Variants in MATCAP2 observed in about 807,000 individuals in gnomAD.
The protein encoded by MATCAP2 is microtubule associated tyrosine carboxypeptidase 2, also known as putative tyrosine carboxypeptidase MATCAP2.
chr7:36,386,654 G>A, the MATCAP2 span, among the ~76,000 whole-genome samples: 2 of 152,088 alleles, frequency 1.3e-5, no homozygotes, highest in Admixed American at 1.3e-4. Flanking sequence ...ACAGAAAAAT[G>A]GGCAAGGATA....
the MATCAP2 span, among the ~76,000 whole-genome samples, chr7:36,333,254 C>T: frequency 1.3e-5 from 2 of 152,136 alleles, no homozygotes; most frequent in South Asian, 4.2e-4. Flanking sequence ...GAAAGAAGCC[C>T]ACCACAAAAA....
the MATCAP2 span, among the ~76,000 whole-genome samples, chr7:36,341,967 C>T: frequency 6.6e-6 from 1 of 152,192 alleles, no homozygotes; most frequent in Non-Finnish European, 1.5e-5. Flanking sequence ...TGGACTAAGA[C>T]ATGCATTTCC....
chr7:36,386,703 A>G, the MATCAP2 span, among the ~76,000 whole-genome samples: 1 of 152,220 alleles, frequency 6.6e-6, no homozygotes, highest in Non-Finnish European at 1.5e-5. Flanking sequence ...TTGAAAGTCC[A>G]ATAAATAAAA....
the MATCAP2 span, among the ~76,000 whole-genome samples, chr7:36,386,447 A>ATGTGTGTGTGTGTG: frequency 3.7e-4 from 55 of 148,538 alleles, no homozygotes; most frequent in East Asian, 5.7e-3. Context: ...GTATGTGTGT[A>ATGTGTGTGTGTGTG]TGTGTGTGTG....
At chr7:36,327,011 C>A in the MATCAP2 span, 1 of 1,097,008 alleles carries the variant, frequency 9.1e-7, no homozygotes, top group South Asian at 1.6e-5. Context: ...TGAAAGTATA[C>A]AGATCATTTG....
the MATCAP2 span, among the ~76,000 whole-genome samples, chr7:36,384,262 A>G: frequency 6.6e-6 from 1 of 152,126 alleles, no homozygotes; most frequent in Admixed American, 6.5e-5. Flanking sequence ...TTTAATCTCT[A>G]GTTATTTCTA....
chr7:36,377,090 G>A, the MATCAP2 span, among the ~76,000 whole-genome samples: 1 of 152,120 alleles, frequency 6.6e-6, no homozygotes, highest in Non-Finnish European at 1.5e-5. Flanking sequence ...GGGGCATTTA[G>A]CCCATTTACA....
the MATCAP2 span, among the ~76,000 whole-genome samples, chr7:36,344,629 C>T: frequency 6.6e-6 from 1 of 152,156 alleles, no homozygotes; most frequent in Non-Finnish European, 1.5e-5. Flanking sequence ...TTCCCATTTG[C>T]CAGGTAGGCA....
chr7:36,378,846 C>T, the MATCAP2 span, among the ~76,000 whole-genome samples: 49 of 152,348 alleles, frequency 3.2e-4, no homozygotes, highest in African/African-American at 8.9e-4. Context: ...CCTCACAGTT[C>T]GATCTCGGAC....
chr7:36,333,553 AAGAC>A, the MATCAP2 span, among the ~76,000 whole-genome samples: 1 of 152,102 alleles, frequency 6.6e-6, no homozygotes. Context: ...TAAAAAGTCA[AAGAC>A]AGAGAAAGCA....
At chr7:36,379,845 C>T in the MATCAP2 span, among the ~76,000 whole-genome samples, 1 of 125,310 alleles carries the variant, frequency 8.0e-6, no homozygotes, top group Admixed American at 8.3e-5. Context: ...CACACACACA[C>T]ACAGAGAGAG....
chr7:36,356,749 G>A, the MATCAP2 span: 325,646 of 688,556 alleles, frequency 0.47, 79,821 homozygotes, highest in South Asian at 0.64. Flanking sequence ...GGTAATACTC[G>A]TCTTGTCGCA....
chr7:36,382,280 T>G, the MATCAP2 span, among the ~76,000 whole-genome samples: 1 of 121,590 alleles, frequency 8.2e-6, no homozygotes. Context: ...CACTCCAGCC[T>G]GAGTGACAGC....
chr7:36,326,039 A>G, the MATCAP2 span: 1 of 152,016 alleles, frequency 6.6e-6, no homozygotes, highest in Non-Finnish European at 1.5e-5. Context: ...TTATTTTTAT[A>G]AAGGATGCAG....
chr7:36,338,255 T>C, the MATCAP2 span, among the ~76,000 whole-genome samples: 46 of 152,302 alleles, frequency 3.0e-4, no homozygotes, highest in African/African-American at 1.0e-3. Flanking sequence ...CTCCCAGTCC[T>C]GAAGACATCA....
chr7:36,351,972 T>C, the MATCAP2 span, among the ~76,000 whole-genome samples: 96 of 142,488 alleles, frequency 6.7e-4, no homozygotes, highest in East Asian at 8.9e-3. Context: ...AAATTTAAGA[T>C]ACAATAACAC....
the MATCAP2 span, among the ~76,000 whole-genome samples, chr7:36,378,761 C>T: frequency 3.9e-5 from 6 of 152,318 alleles, no homozygotes; most frequent in Non-Finnish European, 5.9e-5. Context: ...CCACCCAGTT[C>T]GAGCTTCCTG....
the MATCAP2 span, chr7:36,357,114 G>A: frequency 6.2e-7 from 1 of 1,614,186 alleles, no homozygotes; most frequent in Non-Finnish European, 8.5e-7. Context: ...GACAGCTGAG[G>A]CTTTGGCTTT....
the MATCAP2 span, among the ~76,000 whole-genome samples, chr7:36,379,434 C>T: frequency 6.6e-6 from 1 of 152,054 alleles, no homozygotes; most frequent in Non-Finnish European, 1.5e-5. Context: ...ACATATATGA[C>T]TATGTAACTA....
Sources: gnomAD v4.1 joint callset for allele counts (sites outside exome capture counted in the v4.1 genomes callset) on GRCh38, gnomAD v4.1.1 for gene constraint, MANE v1.5 for transcripts, NCBI Gene and HGNC (gene_info 2026-07-23, HGNC 2026-07-21) for gene names.